The following CELA2A variants were observed in gnomAD, a reference collection of about 807,000 sequenced individuals.
CELA2A encodes chymotrypsin-like elastase family member 2A.
CELA2A carries 31 observed loss-of-function variants against 35.3 expected under a neutral mutation model. The observed-to-expected ratio is 0.88, with a 90% CI of 0.66 to 1.19. The LOEUF is 1.19. CELA2A is among the 50% of genes most tolerant of loss of function. The probability of loss-of-function intolerance (pLI) is 0.00; values close to 1 mark genes in which losing one functional copy is unlikely to be tolerated. For synonymous variants in CELA2A, 150 were observed against 149.8 expected (o/e 1.00, Z -0.01); for missense variants, 330 against 352.9 (o/e 0.94, Z 0.52).
chr1:15,465,734 A>G (rs1708507564), intron 5 of CELA2A, among the ~76,000 whole-genome samples: 1 of 152,138 alleles, frequency 6.6e-6, no homozygotes, highest in African/African-American at 2.4e-5. Flanking sequence ...GTCATTGCCA[A>G]CAGCTTCCCA....
intron 7 of CELA2A, 44 bp downstream of exon 7, chr1:15,467,582 C>T (rs780169204): frequency 1.9e-6 from 3 of 1,602,312 alleles, no homozygotes; most frequent in Non-Finnish European, 2.6e-6. Context: ...CTACCCTGCT[C>T]ACCTGGCCTC....
chr1:15,471,241 G>A (rs1256212179), intron 7 of CELA2A, among the ~76,000 whole-genome samples: 2 of 152,102 alleles, frequency 1.3e-5, no homozygotes, highest in Non-Finnish European at 2.9e-5. Context: ...GGATCATGAA[G>A]TTGGCATATC....
chr1:15,469,879 A>C (rs987930138), intron 7 of CELA2A, among the ~76,000 whole-genome samples: 24 of 152,200 alleles, frequency 1.6e-4, no homozygotes, highest in African/African-American at 5.5e-4. Flanking sequence ...CTGCTGTGGG[A>C]GTCACCATGC....
intron 5 of CELA2A, among the ~76,000 whole-genome samples, chr1:15,465,098 G>T (rs1708498285): frequency 7.6e-6 from 1 of 131,474 alleles, no homozygotes; most frequent in African/African-American, 2.9e-5. Flanking sequence ...TGCAACCTCT[G>T]CCTCCCGAGC....
At chr1:15,458,839 G>A (rs1708394619) in intron 2 of CELA2A, among the ~76,000 whole-genome samples, 2 of 135,494 alleles carry the variant, frequency 1.5e-5, no homozygotes, top group Middle Eastern at 4.5e-3. Flanking sequence ...CTTGAACCTG[G>A]GAGGCGCAGG....
At position 15,460,470 on chromosome 1, in the gene CELA2A, C is replaced by T. The variant is rs1448386698; in HGVS notation, c.130-1091C>T. Among the ~76,000 whole-genome samples, 5 of 152,208 alleles carry T rather than the reference C, an allele frequency of 3.3e-5. 1 individual carries two copies. Among genetic ancestry groups the T allele is most frequent in the South Asian group, 4.2e-4 (2 of 4,818 alleles). Reference sequence around the variant, plus strand: ...AGGCATCTGCCAACAAACAGGTCATCGTTCCCCACAGTTATAGGGAGCCCG... The same window carrying T: ...AGGCATCTGCCAACAAACAGGTCATTGTTCCCCACAGTTATAGGGAGCCCG... On this transcript the variant is annotated intron_variant, in intron 2 of 7. Transcript: ENST00000359621.
At chr1:15,470,656 A>G (rs555516808) in intron 7 of CELA2A, among the ~76,000 whole-genome samples, 4 of 152,138 alleles carry the variant, frequency 2.6e-5, no homozygotes, top group South Asian at 2.1e-4. Flanking sequence ...TCGCAGCTCA[A>G]TGCAACCTCC....
At chr1:15,459,697 A>C (rs925810784) in intron 2 of CELA2A, among the ~76,000 whole-genome samples, 7 of 152,162 alleles carry the variant, frequency 4.6e-5, no homozygotes, top group African/African-American at 1.7e-4. Context: ...ATGTTAATCC[A>C]TGAAGAGTCC....
rs536329786 is a variant in CELA2A, at chr1:15,465,193, TAG to T, written c.494-803_494-802del. Among the ~76,000 whole-genome samples, 107 of 152,002 alleles carry T rather than the reference TAG, an allele frequency of 7.0e-4. 1 individual carries two copies. Among genetic ancestry groups the T allele is most frequent in the African/African-American group, 2.4e-3 (101 of 41,464 alleles). ...TGCCCGGGTAATTTTTGTATTTTAG[TAG>T]AGGTGGGGTTTCACCATGTTGGCCA... On this transcript the variant is annotated intron_variant, in intron 5 of 7. Coordinates refer to ENST00000359621, the MANE Select transcript of CELA2A (RefSeq NM_033440.3).
Position 15,466,084 on chromosome 1 carries a change from C to A in CELA2A, c.579C>A (p.Gly193=). ...CCTGCTCCAGCTCTGCCTGGTGGGG[C>A]AGCAGCGTGAAAACCAGTATGATCT... ...YATCSSSAWW[G]SSVKTSMICA... is the part of the protein sequence containing the mutation. The change falls in exon 6 of 8, where the codon GGC becomes GGA. Residue 193 remains glycine, a synonymous_variant. Transcript: ENST00000359621. 6.2e-7 allele frequency: 1 copy of A among 1,614,112 alleles called. No homozygotes were observed. Among genetic ancestry groups the A allele is most frequent in the South Asian group, 1.1e-5 (1 of 91,078 alleles).
At chr1:15,465,876 C>T (rs1313204476) in intron 5 of CELA2A, 123 bp from the exon 6 acceptor site, 2 of 1,147,462 alleles carry the variant, frequency 1.7e-6, no homozygotes. Flanking sequence ...TATAGACAAA[C>T]GTGGCTGTTC....
rs373707337 is a variant in CELA2A at position 15,461,606 on chromosome 1, G to A, written c.175G>A (p.Gly59Arg). 9.3e-6 allele frequency: 15 copies of A among 1,612,710 alleles called. No individual in the cohort carries two copies. Among genetic ancestry groups the A allele is most frequent in the Middle Eastern group, 2.0e-4 (1 of 4,988 alleles). ...SSNGKWYHTC[G>R]GSLIANSWVL... ...CAATGGCAAGTGGTACCACACCTGCGGAGGGTCCCTGATAGCCAACAGCTG... is the reference window on the plus strand; with the variant it reads ...CAATGGCAAGTGGTACCACACCTGCAGAGGGTCCCTGATAGCCAACAGCTG... The change falls in exon 3 of 8, where the codon GGA becomes AGA. Residue 59 changes from glycine (G) to arginine (R), a missense_variant. By Grantham distance (125) the Gly-to-Arg change is moderately radical (BLOSUM62 -2). Transcript: ENST00000359621.
chr1:15,463,256 G>A (rs1708464586), intron 4 of CELA2A, 130 bp from the exon 5 acceptor site: 8 of 1,409,650 alleles, frequency 5.7e-6, no homozygotes, highest in South Asian at 2.7e-5. Flanking sequence ...ACATGCCCTG[G>A]GGCCCTGCCA....
At chr1:15,464,144 G>T (rs11579489) in intron 5 of CELA2A, among the ~76,000 whole-genome samples, 72 of 152,268 alleles carry the variant, frequency 4.7e-4, no homozygotes, top group Non-Finnish European at 7.2e-4. Context: ...TGGGGTAGGT[G>T]CTGTGTTAGT....
Position 15,472,025 on chromosome 1 carries a change from G to C in CELA2A, c.*18G>C, listed in dbSNP as rs754862923. The C allele has an allele frequency of 2.5e-6, 4 of 1,613,978 alleles. No homozygotes were observed. In the South Asian group the frequency reaches 4.4e-5, roughly 18 times the overall value. On this transcript the variant is annotated 3_prime_UTR_variant, in exon 8 of 8. Coordinates refer to ENST00000359621, the MANE Select transcript of CELA2A (RefSeq NM_033440.3). ...ATAACTAACCAAAAGAAGTCCCTGGGACTGTTTCAGACTTGGAAAGGTCAC... is the reference window on the plus strand; with the variant it reads ...ATAACTAACCAAAAGAAGTCCCTGGCACTGTTTCAGACTTGGAAAGGTCAC...
intron 6 of CELA2A, 50 bp from the exon 7 acceptor site, chr1:15,467,336 G>A: frequency 1.3e-6 from 2 of 1,576,972 alleles, no homozygotes; most frequent in Middle Eastern, 1.7e-4. Context: ...GGTTCCAATG[G>A]GCAGCCCCTT....
intron 7 of CELA2A, among the ~76,000 whole-genome samples, chr1:15,468,091 TAAAAAAAA>T (rs35520894): frequency 4.6e-5 from 4 of 86,432 alleles, no homozygotes; most frequent in Admixed American, 2.7e-4. Flanking sequence ...AAACTCCATC[TAAAAAAAA>T]AAAAAAAAAA....
chr1:15,468,531 G>T (rs1708551748), intron 7 of CELA2A, among the ~76,000 whole-genome samples: 1 of 152,194 alleles, frequency 6.6e-6, no homozygotes, highest in East Asian at 1.9e-4. Flanking sequence ...AATAGGCCAG[G>T]TGCCATGGCT....
At chr1:15,460,514 C>G (rs1708419192) in intron 2 of CELA2A, among the ~76,000 whole-genome samples, 1 of 152,108 alleles carries the variant, frequency 6.6e-6, no homozygotes, top group Admixed American at 6.6e-5. Flanking sequence ...AGTCCATGCC[C>G]TACTGTCACC....
Sources: gnomAD v4.1 joint callset for allele counts (sites outside exome capture counted in the v4.1 genomes callset) on GRCh38, gnomAD v4.1.1 for gene constraint, MANE v1.5 for transcripts, NCBI Gene and HGNC (gene_info 2026-07-23, HGNC 2026-07-21) for gene names.